EDA: variants seen among roughly 807,000 people sequenced by gnomAD.
EDA encodes the protein ectodysplasin-A.
In EDA, 2 loss-of-function variants were observed where a neutral mutation model predicts 23.6. The observed-to-expected ratio is 0.08, with a 90% CI of 0.03 to 0.27. The LOEUF (loss-of-function observed/expected upper bound fraction) is 0.27, where lower values mean the gene tolerates loss of function less well. Ranked by LOEUF, EDA falls within the 10% of genes least tolerant of loss-of-function variation. EDA has a pLI of 1.00. For synonymous variants in EDA, 131 were observed against 132.0 expected (o/e 0.99, Z 0.05); for missense variants, 229 against 324.2 (o/e 0.71, Z 2.26).
intron 1 of EDA, chrX:69,670,168 T>C (rs960189087): frequency 2.1e-5 from 7 of 337,837 alleles, no homozygotes; most frequent in Non-Finnish European, 3.5e-5. Context: ...CTGGGTATAG[T>C]ATTCTTGGCT....
intron 1 of EDA, chrX:69,743,178 G>A (rs900835733): frequency 4.1e-4 from 46 of 111,145 alleles, no homozygotes; most frequent in African/African-American, 1.4e-3. Flanking sequence ...ACAGAATATG[G>A]CCAATAGGAA....
chrX:69,981,974 A>G (rs892143235), intron 2 of EDA, among the ~76,000 whole-genome samples: 1 of 111,486 alleles, frequency 9.0e-6, no homozygotes, highest in Non-Finnish European at 1.9e-5. Flanking sequence ...CTAGTAATGC[A>G]GCAGCATCTG....
intron 1 of EDA, among the ~76,000 whole-genome samples, chrX:69,796,684 A>C (rs1483874499): frequency 8.9e-6 from 1 of 112,186 alleles, no homozygotes; most frequent in Non-Finnish European, 1.9e-5. Context: ...GGATGATGAC[A>C]TCTCCAAAGG....
At chrX:69,934,412 A>G (rs909770695) in intron 1 of EDA, among the ~76,000 whole-genome samples, 13 of 110,712 alleles carry the variant, frequency 1.2e-4, no homozygotes, top group African/African-American at 4.3e-4. Flanking sequence ...GACATTTCCA[A>G]TTTTCAAACT....
intron 1 of EDA, among the ~76,000 whole-genome samples, chrX:69,785,852 A>T (rs1164966474): frequency 7.4e-5 from 8 of 108,391 alleles, no homozygotes; most frequent in Admixed American, 5.9e-4. Flanking sequence ...TGATTGGAAT[A>T]GTTTCAGAAG....
chrX:69,717,712 G>T (rs1408678966), intron 1 of EDA, among the ~76,000 whole-genome samples: 1 of 109,833 alleles, frequency 9.1e-6, no homozygotes, highest in African/African-American at 3.3e-5. Context: ...GTAGAGACAG[G>T]GTTTCACTGT....
Position 69,689,989 on chromosome X carries a change from G to A in EDA, c.396+73285G>A, listed in dbSNP as rs1304114001. The stretch of plus-strand genomic sequence containing the variant: ...AGTTCATTGCAAAAATAGAATTAGA[G>A]CTAATTTTTAATATTGACCTTGTAT... On this transcript the variant is annotated intron_variant, in intron 1 of 7. Coordinates refer to ENST00000374552, the MANE Select transcript of EDA (RefSeq NM_001399.5). Among the ~76,000 whole-genome samples, 9 of 111,418 alleles carry A rather than the reference G, an allele frequency of 8.1e-5. No homozygotes were observed. The East Asian group carries it at 2.5e-3, about 31-fold the overall frequency.
At chrX:70,030,100 A>G (rs187077280) in intron 5 of EDA, among the ~76,000 whole-genome samples, 186 of 111,993 alleles carry the variant, frequency 1.7e-3, no homozygotes, top group African/African-American at 5.5e-3. Flanking sequence ...GTGTGGCCAC[A>G]GTGATAAATC....
chrX:69,750,629 A>C, intron 1 of EDA, among the ~76,000 whole-genome samples: 1 of 111,547 alleles, frequency 9.0e-6, no homozygotes, highest in African/African-American at 3.3e-5. Flanking sequence ...ACTAGTTTAC[A>C]GTCCTACCAA....
At chrX:69,679,739 T>G (rs1185275063) in intron 1 of EDA, among the ~76,000 whole-genome samples, 2 of 111,494 alleles carry the variant, frequency 1.8e-5, no homozygotes, top group African/African-American at 6.5e-5. Context: ...TGCTAGCGGT[T>G]TATCAATTTT....
intron 1 of EDA, among the ~76,000 whole-genome samples, chrX:69,666,010 T>G (rs1933668650): frequency 8.9e-6 from 1 of 111,920 alleles, no homozygotes; most frequent in African/African-American, 3.2e-5. Flanking sequence ...TTTGCAGTTT[T>G]GGGTATACAT....
At chrX:69,673,693 A>G (rs1348236412) in intron 1 of EDA, among the ~76,000 whole-genome samples, 2 of 111,838 alleles carry the variant, frequency 1.8e-5, no homozygotes, top group Non-Finnish European at 3.8e-5. Context: ...TATTTCCTCC[A>G]TGATCAGTTT....
At chrX:69,790,261 A>G (rs753491268) in intron 1 of EDA, among the ~76,000 whole-genome samples, 9 of 110,565 alleles carry the variant, frequency 8.1e-5, no homozygotes, top group African/African-American at 1.6e-4. Context: ...CATGTGCACA[A>G]CGTGCAGGTT....
chrX:69,717,536 T>C (rs905282477), intron 1 of EDA, among the ~76,000 whole-genome samples: 1 of 107,147 alleles, frequency 9.3e-6, no homozygotes, highest in Middle Eastern at 4.8e-3. Context: ...TTTTTTTTTT[T>C]CGAGATGGAG....
At chrX:69,810,901 G>A (rs1281656380) in intron 1 of EDA, among the ~76,000 whole-genome samples, 2 of 111,679 alleles carry the variant, frequency 1.8e-5, no homozygotes, top group Non-Finnish European at 3.8e-5. Context: ...GTTTCCTCTG[G>A]ACATTTAAAA....
chrX:69,772,843 A>G (rs772729445), intron 1 of EDA, among the ~76,000 whole-genome samples: 24 of 111,777 alleles, frequency 2.1e-4, no homozygotes, highest in Non-Finnish European at 4.1e-4. Context: ...GTATTATTCC[A>G]TAGTGTATAT....
At chrX:69,816,236 A>G (rs1168156431) in intron 1 of EDA, among the ~76,000 whole-genome samples, 1 of 112,068 alleles carries the variant, frequency 8.9e-6, no homozygotes, top group East Asian at 2.8e-4. Flanking sequence ...CCACAAAGAC[A>G]AGAAAGAATC....
At chrX:69,633,358 A>G (rs1288815977) in intron 1 of EDA, among the ~76,000 whole-genome samples, 1 of 112,348 alleles carries the variant, frequency 8.9e-6, no homozygotes, top group Non-Finnish European at 1.9e-5. Flanking sequence ...TGTAATTGAG[A>G]TATAATTTAC....
intron 2 of EDA, among the ~76,000 whole-genome samples, chrX:69,992,809 A>G (rs1831676018): frequency 8.9e-6 from 1 of 112,187 alleles, no homozygotes; most frequent in African/African-American, 3.2e-5. Context: ...AATTTGTATT[A>G]ATGTAGTCAA....
Sources: allele counts gnomAD v4.1 joint callset (sites outside exome capture counted in the v4.1 genomes callset), GRCh38; gene constraint gnomAD v4.1.1; transcripts MANE v1.5; gene names NCBI Gene and HGNC (gene_info 2026-07-23, HGNC 2026-07-21).